The following LDLRAD3 variants were observed in gnomAD, a reference collection of about 807,000 sequenced individuals.
The protein encoded by LDLRAD3 is low density lipoprotein receptor class A domain containing 3.
Under a neutral mutation model 29.4 loss-of-function variants are expected in LDLRAD3, and 20 were observed. The ratio of observed to expected loss-of-function variants is 0.68; its 90% CI spans 0.48 to 0.99. LDLRAD3 has a LOEUF of 0.99. Ranked by LOEUF, LDLRAD3 falls within the 50% of genes least tolerant of loss-of-function variation. The probability of loss-of-function intolerance (pLI) is 0.00; values close to 1 mark genes in which losing one functional copy is unlikely to be tolerated. For synonymous variants in LDLRAD3, 157 were observed against 192.7 expected, an observed-to-expected ratio of 0.81 and a Z score of 1.53; for missense variants, 420 against 454.3, an observed-to-expected ratio of 0.92 and a Z score of 0.69.
rs144315453 is a variant in LDLRAD3, at chr11:36,213,197, T to C, written c.455-13888T>C. 0.011 allele frequency among the ~76,000 whole-genome samples: 1,614 copies of C among 152,028 alleles called. 31 individuals are homozygous for C. Among genetic ancestry groups the C allele is most frequent in the African/African-American group, 0.037 (1,534 of 41,496 alleles). ...CTCTCAATGGTCCTGGTTCCCAGCA[T>C]CCTGGCAGATGGGTCTCCTCTCTCA... On this transcript the variant is annotated intron_variant, in intron 4 of 5. Transcript: ENST00000315571. The surrounding 1 kb of genome is among the most constrained non-coding windows in gnomAD (Gnocchi z 4.1).
intron 4 of LDLRAD3, among the ~76,000 whole-genome samples, chr11:36,183,031 C>A (rs1425565850): frequency 6.6e-6 from 1 of 152,138 alleles, no homozygotes; most frequent in Non-Finnish European, 1.5e-5. Context: ...CCAGTTGGGA[C>A]CACAATACAA....
chr11:36,147,098 CTTTTTTTTTTTTTTTTTTTT>C (rs55747441), intron 4 of LDLRAD3, among the ~76,000 whole-genome samples: 3 of 48,218 alleles, frequency 6.2e-5, no homozygotes, highest in East Asian at 8.6e-4. Context: ...CCCATATTTA[CTTTTTTTTTTTTTTTTTTTT>C]TTTTTTTTTT....
intron 4 of LDLRAD3, among the ~76,000 whole-genome samples, chr11:36,192,350 G>A (rs559288275): frequency 6.6e-6 from 1 of 152,172 alleles, no homozygotes; most frequent in African/African-American, 2.4e-5. Flanking sequence ...CCCAATCTTG[G>A]ATCCACCTTA....
intron 4 of LDLRAD3, among the ~76,000 whole-genome samples, chr11:36,118,170 A>C (rs1853700455): frequency 6.6e-6 from 1 of 152,138 alleles, no homozygotes; most frequent in African/African-American, 2.4e-5. Flanking sequence ...GAATTGTCCC[A>C]CTCCAGATAC....
chr11:36,176,053 A>G (rs1179355073), intron 4 of LDLRAD3, among the ~76,000 whole-genome samples: 2 of 152,178 alleles, frequency 1.3e-5, no homozygotes, highest in Non-Finnish European at 2.9e-5. Context: ...TTACCATTAT[A>G]TAATGTCCCT....
intron 1 of LDLRAD3, among the ~76,000 whole-genome samples, chr11:35,975,775 A>G (rs1851467474): frequency 6.6e-6 from 1 of 151,790 alleles, no homozygotes; most frequent in Non-Finnish European, 1.5e-5. Context: ...GGAGAATGGA[A>G]CCTTCAAATG....
chr11:35,979,481 T>G lies in LDLRAD3; in HGVS notation c.46+35337T>G, dbSNP rs115486498. 4.8e-3 allele frequency among the ~76,000 whole-genome samples: 730 copies of G among 152,284 alleles called. 9 individuals carry two copies. Among genetic ancestry groups the G allele is most frequent in the African/African-American group, 0.016 (681 of 41,552 alleles). ...GGTGTGGAAGTCTCTGAGTTGCAGT[T>G]GTGTTGTAGTATGATAGAGTTTTCC... On this transcript the variant is annotated intron_variant, in intron 1 of 5. Transcript: ENST00000315571.
intron 1 of LDLRAD3, among the ~76,000 whole-genome samples, chr11:36,028,013 G>C (rs1158462972): frequency 6.6e-6 from 1 of 152,240 alleles, no homozygotes; most frequent in Non-Finnish European, 1.5e-5. Context: ...CCGGCAGCCA[G>C]CCCTTGGCAA....
At chr11:36,193,940 G>A (rs539127776) in intron 4 of LDLRAD3, among the ~76,000 whole-genome samples, 149 of 152,218 alleles carry the variant, frequency 9.8e-4, no homozygotes, top group African/African-American at 3.5e-3. Flanking sequence ...TCACCAAATA[G>A]GAATTTATAA....
chr11:36,166,361 G>A (rs1024981924), intron 4 of LDLRAD3, among the ~76,000 whole-genome samples: 1 of 152,180 alleles, frequency 6.6e-6, no homozygotes, highest in Non-Finnish European at 1.5e-5. Context: ...GTGCCTCTCA[G>A]TGAGACATGG....
chr11:36,080,019 GTTTT>G (rs1330441746), intron 2 of LDLRAD3, among the ~76,000 whole-genome samples: 2 of 152,210 alleles, frequency 1.3e-5, no homozygotes, highest in African/African-American at 4.8e-5. Context: ...AGCCACATGG[GTTTT>G]TGAAACCTGG....
intron 3 of LDLRAD3, among the ~76,000 whole-genome samples, chr11:36,087,608 TAG>T (rs1237383719): frequency 6.6e-6 from 1 of 152,202 alleles, no homozygotes; most frequent in Non-Finnish European, 1.5e-5. Flanking sequence ...CAAAAATAAC[TAG>T]AGAGTTATAT....
chr11:36,199,604 C>CACGCGTGT (rs1565298990), intron 4 of LDLRAD3, among the ~76,000 whole-genome samples: 1,743 of 152,010 alleles, frequency 0.011, 39 homozygotes, highest in African/African-American at 0.04. Flanking sequence ...CACGCGTGCG[C>CACGCGTGT]GCACACGCTT....
At chr11:35,957,940 T>C (rs1465958650) in intron 1 of LDLRAD3, among the ~76,000 whole-genome samples, 4 of 152,328 alleles carry the variant, frequency 2.6e-5, no homozygotes, top group South Asian at 2.1e-4. Flanking sequence ...CTTCTAGCAC[T>C]TTAACTCAGT....
intron 4 of LDLRAD3, among the ~76,000 whole-genome samples, chr11:36,142,024 C>T (rs1037220628): frequency 1.3e-5 from 2 of 152,204 alleles, no homozygotes; most frequent in Non-Finnish European, 2.9e-5. Flanking sequence ...GATGTGCAGG[C>T]TAACTTGTTC....
At chr11:36,100,785 G>T (rs756232759) in intron 4 of LDLRAD3, among the ~76,000 whole-genome samples, 3 of 152,172 alleles carry the variant, frequency 2.0e-5, no homozygotes, top group Non-Finnish European at 4.4e-5. Context: ...CTTACTCATG[G>T]TGCCCTAAGA....
chr11:36,148,276 C>T (rs957049313), intron 4 of LDLRAD3, among the ~76,000 whole-genome samples: 4 of 152,082 alleles, frequency 2.6e-5, no homozygotes, highest in Non-Finnish European at 4.4e-5. Flanking sequence ...GGTTCTCAAC[C>T]CTGTGATCTT....
intron 1 of LDLRAD3, among the ~76,000 whole-genome samples, chr11:35,998,224 CAT>C (rs1851779568): frequency 6.6e-6 from 1 of 152,304 alleles, no homozygotes; most frequent in South Asian, 2.1e-4. Flanking sequence ...ATTTCCTAGT[CAT>C]ATGCTTTCAA....
chr11:36,098,985 C>T (rs2057085686), intron 4 of LDLRAD3, among the ~76,000 whole-genome samples: 1 of 139,022 alleles, frequency 7.2e-6, no homozygotes, highest in African/African-American at 2.5e-5. Flanking sequence ...ACAACTGCTG[C>T]CCTATTTTTT....
Sources: gnomAD v4.1 joint callset for allele counts (sites outside exome capture counted in the v4.1 genomes callset) on GRCh38, gnomAD v4.1.1 for gene constraint, Gnocchi (gnomAD v3.1) non-coding constraint, MANE v1.5 for transcripts, NCBI Gene and HGNC (gene_info 2026-07-23, HGNC 2026-07-21) for gene names.